NBEAL1: variants seen among roughly 807,000 people sequenced by gnomAD.
The protein encoded by NBEAL1 is neurobeachin-like protein 1.
In NBEAL1, 273 loss-of-function variants were observed where a neutral mutation model predicts 351.3. That is an observed-to-expected ratio of 0.78 (90% confidence interval 0.70 to 0.86). NBEAL1 has a LOEUF of 0.86. Among genes scored for constraint, NBEAL1 ranks in the 40% least tolerant of loss-of-function variants. NBEAL1 has a pLI of 0.00. For missense variants in NBEAL1, 2,961 were observed against 3,201.3 expected (o/e 0.92, Z 1.81); for synonymous variants, 1,050 against 1,086.4 (o/e 0.97, Z 0.66).
In NBEAL1 at chr2:203,205,234, C is replaced by T. The variant is rs2065520448; in HGVS notation, c.7506+2453C>T. ...AAATTTCAAACTTGTAAAAAATTTG[C>T]AAAAATAGTATATTTTGTATCATGT... On this transcript the variant is annotated intron_variant, in intron 51 of 55. Coordinates refer to ENST00000683969, the MANE Select transcript of NBEAL1 (RefSeq NM_001378026.1). 2.6e-5 allele frequency among the ~76,000 whole-genome samples: 4 copies of T among 151,976 alleles called. No homozygotes were observed. The South Asian group carries it at 8.3e-4, about 31-fold the overall frequency.
intron 14 of NBEAL1, among the ~76,000 whole-genome samples, chr2:203,108,604 C>T (rs542486494): frequency 5.7e-4 from 87 of 152,108 alleles, no homozygotes; most frequent in South Asian, 3.1e-3. Context: ...GGGGTTTCAC[C>T]GTGTTAGCCA....
chr2:203,201,032 A>C (rs2065383485), intron 49 of NBEAL1, among the ~76,000 whole-genome samples: 3 of 152,212 alleles, frequency 2.0e-5, no homozygotes, highest in Admixed American at 2.0e-4. Context: ...CTAAGCTCAC[A>C]GGTATTGCAC....
intron 46 of NBEAL1, chr2:203,190,795 G>C: frequency 1.9e-6 from 3 of 1,610,962 alleles, no homozygotes; most frequent in Non-Finnish European, 2.5e-6. Flanking sequence ...GCCGAAGTTC[G>C]ACCCCAACGA....
chr2:203,066,950 C>T (rs1326993170), intron 6 of NBEAL1, among the ~76,000 whole-genome samples: 16 of 148,228 alleles, frequency 1.1e-4, no homozygotes, highest in Non-Finnish European at 1.3e-4. Context: ...CGGGCAGAGG[C>T]GCTCCTCACT....
At position 203,068,510 on chromosome 2, in the gene NBEAL1, A is replaced by T. The variant is rs903880515; in HGVS notation, c.598+35A>T. On this transcript the variant is annotated intron_variant, in intron 7 of 55. Transcript: ENST00000683969. ...ACCTCTAATTTCTCTTGCTATGATT[A>T]TCATCTTACTCTGATTACTTTTTAT... The T allele has an allele frequency of 5.1e-6, 6 of 1,170,222 alleles. No individual in the cohort carries two copies. In the Admixed American group the frequency reaches 8.1e-5, roughly 16 times the overall value. The allele number at this position is 1,170,222 out of a possible 1,614,324, so 72.5% of individuals were successfully genotyped here.
intron 7 of NBEAL1, among the ~76,000 whole-genome samples, chr2:203,072,996 G>C (rs2061707299): frequency 6.6e-6 from 1 of 152,136 alleles, no homozygotes; most frequent in African/African-American, 2.4e-5. Flanking sequence ...GTGAGAGTTG[G>C]TTTGAGAATG....
At chr2:203,102,217 T>G (rs868776643) in intron 12 of NBEAL1, among the ~76,000 whole-genome samples, 3 of 152,216 alleles carry the variant, frequency 2.0e-5, no homozygotes, top group African/African-American at 7.2e-5. Context: ...AGGCAGAGAC[T>G]ATGGGGTTTT....
rs1007637165 is a variant in NBEAL1, at chr2:203,106,776, A to G, written c.1270-644A>G. ...TTTTGTAGTGAGTGTATATATTTCA[A>G]CCTAAGGTAATGGGGCACTTTAGTA... is the stretch of plus-strand genomic sequence containing the variant. On this transcript the variant is annotated intron_variant, in intron 12 of 55. Coordinates refer to ENST00000683969, the MANE Select transcript of NBEAL1 (RefSeq NM_001378026.1). Among the ~76,000 whole-genome samples the G allele has an allele frequency of 3.9e-5, 6 of 152,118 alleles. No homozygotes were observed. In the South Asian group the frequency reaches 8.3e-4, roughly 21 times the overall value.
In NBEAL1 at chr2:203,223,695, T is replaced by A. The variant is rs1223490755; in HGVS notation, c.*6341T>A. Among the ~76,000 whole-genome samples the A allele has an allele frequency of 6.6e-6, 1 of 152,068 alleles. No homozygotes were observed. On this transcript the variant is annotated 3_prime_UTR_variant, in exon 56 of 56. Coordinates refer to ENST00000683969, the MANE Select transcript of NBEAL1 (RefSeq NM_001378026.1). ...ACTTAAGATGTATTAAAACTAGCAA[T>A]TCTGTGGTAATCAGTGTACTAGTCA... is the stretch of plus-strand genomic sequence containing the variant.
chr2:203,056,725 G>A (rs56200843), intron 5 of NBEAL1, among the ~76,000 whole-genome samples: 68,838 of 151,962 alleles, frequency 0.45, 17,082 homozygotes, highest in Middle Eastern at 0.67. Flanking sequence ...GTGCCACCAC[G>A]CCCGGCTAAC....
intron 2 of NBEAL1, among the ~76,000 whole-genome samples, chr2:203,027,400 C>T (rs533368207): frequency 6.6e-6 from 1 of 152,182 alleles, no homozygotes; most frequent in South Asian, 2.1e-4. Flanking sequence ...TTGTGACTTA[C>T]CTTCAGGCTG....
At chr2:203,190,068 G>A (rs1257819281) in intron 45 of NBEAL1, among the ~76,000 whole-genome samples, 1 of 151,532 alleles carries the variant, frequency 6.6e-6, no homozygotes. Context: ...CCCAGGAGGT[G>A]GAGGTTGCAG....
At chr2:203,153,653 G>A (rs2063720613) in intron 35 of NBEAL1, among the ~76,000 whole-genome samples, 1 of 152,096 alleles carries the variant, frequency 6.6e-6, no homozygotes, top group South Asian at 2.1e-4. Context: ...ATAGCCAGTT[G>A]TGTATAGCTT....
intron 2 of NBEAL1, among the ~76,000 whole-genome samples, 182 bp from the exon 3 acceptor site, chr2:203,041,583 A>C (rs1468696143): frequency 6.6e-6 from 1 of 152,228 alleles, no homozygotes. Flanking sequence ...TTTGAGTGAC[A>C]TGAGAAGCCA....
chr2:203,136,870 A>C (rs1338772209), intron 29 of NBEAL1, 96 bp downstream of exon 29: 10 of 1,108,720 alleles, frequency 9.0e-6, no homozygotes, highest in Non-Finnish European at 1.3e-5. Flanking sequence ...TATTCTGTGG[A>C]TATAACAAGG....
Position 203,107,924 on chromosome 2 carries a change from G to A in NBEAL1, c.1685G>A (p.Arg562Lys). ...TCAGAAGAAATCCGTCGACTACTGAGATTGCTGAGAGTGGATGAATCTGAG... is the reference window on the plus strand; with the variant it reads ...TCAGAAGAAATCCGTCGACTACTGAAATTGCTGAGAGTGGATGAATCTGAG... The part of the protein sequence containing the change: ...VSSEEIRRLL[R>K]LLRVDESESV... The change falls in exon 14 of 56, where the codon AGA (arginine) becomes AAA (lysine). Residue 562 changes from arginine (R) to lysine (K), a missense_variant. Coordinates refer to ENST00000683969, the MANE Select transcript of NBEAL1 (RefSeq NM_001378026.1). 3 of 1,553,806 alleles carry A rather than the reference G, an allele frequency of 1.9e-6. No homozygotes were observed. The highest frequency in any genetic ancestry group is 2.6e-6 in the Non-Finnish European group (3 of 1,147,584).
chr2:203,163,924 G>A lies in NBEAL1; in HGVS notation c.5715-2225G>A, dbSNP rs553853076. Among the ~76,000 whole-genome samples, 50 of 152,056 alleles carry A rather than the reference G, an allele frequency of 3.3e-4. 1 individual carries two copies. In the South Asian group the frequency reaches 1.0e-2, roughly 30 times the overall value. On this transcript the variant is annotated intron_variant, in intron 36 of 55. Transcript: ENST00000683969. The stretch of plus-strand genomic sequence containing the variant: ...TTTGGTGACCCTTCCTTTGTGAAAT[G>A]TCTGTTCAAGTCTTTTGCCCATTTT...
chr2:203,167,494 G>C (rs1307273618), intron 38 of NBEAL1, 134 bp downstream of exon 38: 1 of 906,286 alleles, frequency 1.1e-6, no homozygotes, highest in African/African-American at 1.7e-5. Flanking sequence ...ATACTTTGGG[G>C]GCTAATCAGT....
At position 203,179,184 on chromosome 2, in the gene NBEAL1, T is replaced by C. The variant is rs1215180116; in HGVS notation, c.6465-1198T>C. ...ACTTAATAAATCCAGGAAAACAATA[T>C]CAAATGAAATAAAACAGAAGGGATT... On this transcript the variant is annotated intron_variant, in intron 42 of 55. Transcript: ENST00000683969. Among the ~76,000 whole-genome samples the C allele has an allele frequency of 2.0e-5, 3 of 152,194 alleles. No homozygotes were observed. The South Asian group carries it at 6.2e-4, about 32-fold the overall frequency.
Sources: allele counts gnomAD v4.1 joint callset (sites outside exome capture counted in the v4.1 genomes callset), GRCh38; gene constraint gnomAD v4.1.1; transcripts MANE v1.5; gene names NCBI Gene and HGNC (gene_info 2026-07-23, HGNC 2026-07-21).